TP53I13: variants seen among roughly 807,000 people sequenced by gnomAD.
The protein encoded by TP53I13 is tumor protein p53-inducible protein 13.
TP53I13 carries 27 observed loss-of-function variants against 39.1 expected under a neutral mutation model. That is an observed-to-expected ratio of 0.69 (90% CI 0.51 to 0.95). The LOEUF is 0.95. TP53I13 is among the 40% of genes least tolerant of loss of function. The probability of loss-of-function intolerance (pLI) is 0.00; values close to 1 mark genes in which losing one functional copy is unlikely to be tolerated. For synonymous variants in TP53I13, 230 were observed against 224.6 expected (o/e 1.02, Z -0.22); for missense variants, 544 against 520.4 (o/e 1.05, Z -0.44).
chr17:29,575,744 G>C (rs772780703), downstream of TP53I13: 1 of 1,609,014 alleles, frequency 6.2e-7, no homozygotes, highest in Admixed American at 1.7e-5. The surrounding 1 kb of genome is among the most constrained non-coding windows in gnomAD (Gnocchi z 5.5). Context: ...CCGTGTTCCT[G>C]GACCCACACT....
the TP53I13 span, chr17:29,582,225 C>G: frequency 9.4e-7 from 1 of 1,068,664 alleles, no homozygotes; most frequent in Admixed American, 2.0e-5. Flanking sequence ...CTGGCTGCCC[C>G]TGGGACACCT....
Position 29,568,849 on chromosome 17 carries a change from G to A in TP53I13, c.72+19G>A. ...CAGCGAGGTAAGGTGACCCGCTCCT[G>A]GGAAGGCCTCGGCCCGCGAGCTCAA... On this transcript the variant is annotated intron_variant, in intron 1 of 6. Transcript: ENST00000301057. This position sits in a 1 kb window ranked among gnomAD's most constrained non-coding sequence, Gnocchi z 4.5. The A allele has an allele frequency of 1.2e-6, 2 of 1,600,092 alleles. No individual in the cohort carries two copies. The highest frequency in any genetic ancestry group is 1.7e-6 in the Non-Finnish European group (2 of 1,179,482).
chr17:29,579,692 C>T, the TP53I13 span, among the ~76,000 whole-genome samples: 1 of 151,910 alleles, frequency 6.6e-6, no homozygotes, highest in Admixed American at 6.6e-5. Flanking sequence ...CACCGCACTC[C>T]AGCCTGGGCA....
the TP53I13 span, chr17:29,578,194 G>C: frequency 2.1e-6 from 2 of 934,046 alleles, no homozygotes; most frequent in Admixed American, 3.5e-5. Context: ...AGGCCTCTGA[G>C]CAGCCCCAAC....
At chr17:29,581,841 G>A in the TP53I13 span, 1 of 1,611,882 alleles carries the variant, frequency 6.2e-7, no homozygotes, top group Non-Finnish European at 8.5e-7. This position sits in a 1 kb window ranked among gnomAD's most constrained non-coding sequence, Gnocchi z 4.8. Flanking sequence ...GCCTGCCTGT[G>A]AGGAGGGGGT....
chr17:29,572,492 C>T lies in TP53I13; in HGVS notation c.864C>T (p.Ser288=). Residue 288 remains serine (S), a synonymous_variant, in exon 6 of 7, where the codon TCC becomes TCT. Transcript: ENST00000301057. ...PGGCVCSSQA[S]PAPRAAAPPR... Reference sequence around the variant, plus strand: ...GCTGTGTCTGTTCAAGTCAGGCTTCCCCGGCCCCTCGCGCAGCAGCGCCTC... The same window carrying T: ...GCTGTGTCTGTTCAAGTCAGGCTTCTCCGGCCCCTCGCGCAGCAGCGCCTC... 6.2e-7 allele frequency: 1 copy of T among 1,602,610 alleles called. No individual in the cohort carries two copies. Among genetic ancestry groups the T allele is most frequent in the South Asian group, 1.1e-5 (1 of 89,754 alleles).
upstream of TP53I13, chr17:29,568,665 C>CGCGGGCGGCGCGGG: frequency 2.3e-6 from 1 of 431,738 alleles, no homozygotes; most frequent in South Asian, 1.1e-4. The surrounding 1 kb of genome is among the most constrained non-coding windows in gnomAD (Gnocchi z 4.5). Context: ...GCGGCGCGGG[C>CGCGGGCGGCGCGGG]GGCGCGGGGG....
chr17:29,578,685 A>T, the TP53I13 span: 1 of 1,535,638 alleles, frequency 6.5e-7, no homozygotes. Context: ...GGGGGATCAG[A>T]GAGGGGCCAG....
chr17:29,570,384 T>G (rs1030023531), intron 3 of TP53I13: 7 of 151,544 alleles, frequency 4.6e-5, no homozygotes, highest in Non-Finnish European at 8.8e-5. Context: ...GGCACACCCC[T>G]GTAATCCCAG....
At position 29,568,925 on chromosome 17, in the gene TP53I13, G is replaced by C. The variant is rs1459031978; in HGVS notation, c.73-93G>C. The C allele has an allele frequency of 5.0e-6, 8 of 1,595,388 alleles. No individual in the cohort carries two copies. Among genetic ancestry groups the C allele is most frequent in the Non-Finnish European group, 4.3e-6 (5 of 1,173,342 alleles). On this transcript the variant is annotated intron_variant, in intron 1 of 6. Transcript: ENST00000301057. This position sits in a 1 kb window ranked among gnomAD's most constrained non-coding sequence, Gnocchi z 4.5. ...GAAGGAGTGGCGCGCCGAGGGGGAC[G>C]CGGAGTTCTTCCGCTGGCGGGCTGG...
At chr17:29,581,652 C>A in the TP53I13 span, 1 of 987,468 alleles carries the variant, frequency 1.0e-6, no homozygotes, top group South Asian at 1.3e-5. This position sits in a 1 kb window ranked among gnomAD's most constrained non-coding sequence, Gnocchi z 4.8. Flanking sequence ...GCTCTGTCAC[C>A]ATGGCACCTG....
downstream of TP53I13, chr17:29,576,268 G>A (rs555366671): frequency 3.1e-6 from 5 of 1,610,298 alleles, no homozygotes; most frequent in African/African-American, 5.3e-5. Flanking sequence ...CCCCAGGGGG[G>A]CCCCCAAAGG....
rs746849431 is a variant in TP53I13, at chr17:29,568,742, G to C, written c.-17G>C. The C allele has an allele frequency of 2.6e-6, 4 of 1,554,408 alleles. No homozygotes were observed. The highest frequency in any genetic ancestry group is 2.5e-5 in the East Asian group (1 of 39,878). ...GCGGAGCGGCTGGGCGGCGGGCCGG[G>C]CCCGGGGCCGCTTGGAATGGCGCCT... is the stretch of plus-strand genomic sequence containing the variant. On this transcript the variant is annotated 5_prime_UTR_variant, in exon 1 of 7. Coordinates refer to ENST00000301057, the MANE Select transcript of TP53I13 (RefSeq NM_138349.4). The surrounding 1 kb of genome is among the most constrained non-coding windows in gnomAD (Gnocchi z 4.5).
the TP53I13 span, chr17:29,581,751 G>A: frequency 2.5e-6 from 4 of 1,609,980 alleles, no homozygotes; most frequent in Admixed American, 1.7e-5. The surrounding 1 kb of genome is among the most constrained non-coding windows in gnomAD (Gnocchi z 4.8). Context: ...CCCGGCTTGC[G>A]TCCACAGAGG....
At chr17:29,580,161 T>C in the TP53I13 span, among the ~76,000 whole-genome samples, 4 of 152,210 alleles carry the variant, frequency 2.6e-5, no homozygotes, top group Non-Finnish European at 5.9e-5. Flanking sequence ...AGGGCAGGGA[T>C]TGTGTCTCAG....
At chr17:29,579,084 C>A in the TP53I13 span, 1 of 1,058,014 alleles carries the variant, frequency 9.5e-7, no homozygotes, top group Non-Finnish European at 1.5e-6. Flanking sequence ...CAGGCCCAGA[C>A]CCATCTCCAC....
downstream of TP53I13, among the ~76,000 whole-genome samples, chr17:29,573,308 C>T (rs1411002472): frequency 2.6e-5 from 4 of 152,158 alleles, no homozygotes; most frequent in Admixed American, 6.5e-5. Flanking sequence ...GGGAGGGTGG[C>T]GTTATCGTCA....
chr17:29,578,278 C>G, the TP53I13 span: 1 of 1,602,820 alleles, frequency 6.2e-7, no homozygotes, highest in Non-Finnish European at 8.5e-7. Context: ...CCACGCCAGA[C>G]ACTCCTGCTC....
chr17:29,569,320 G>A lies in TP53I13; in HGVS notation c.144G>A (p.Val48=). 1.2e-6 allele frequency: 2 copies of A among 1,613,888 alleles called. No homozygotes were observed. The highest frequency in any genetic ancestry group is 8.5e-7 in the Non-Finnish European group (1 of 1,179,902). The part of the protein sequence containing the change: ...PESLWPLPPQ[V]SPRVTYTRVS... ...CTCTGTTCTTTCCCCATGTATAGGTGTCACCAAGAGTGACCTACACACGAG... is the reference window on the plus strand; with the variant it reads ...CTCTGTTCTTTCCCCATGTATAGGTATCACCAAGAGTGACCTACACACGAG... Residue 48 remains valine (V), a splice_region_variant and synonymous_variant, in exon 3 of 7, where the codon GTG becomes GTA. Transcript: ENST00000301057.
Sources: allele counts gnomAD v4.1 joint callset (sites outside exome capture counted in the v4.1 genomes callset), GRCh38; gene constraint gnomAD v4.1.1; non-coding constraint Gnocchi (gnomAD v3.1); transcripts MANE v1.5; gene names NCBI Gene and HGNC (gene_info 2026-07-23, HGNC 2026-07-21).